Variants in LAMB4 observed in about 807,000 individuals in gnomAD.
LAMB4 encodes the protein laminin subunit beta-4.
Under a neutral mutation model 199.2 loss-of-function variants are expected in LAMB4, and 196 were observed. The ratio of observed to expected loss-of-function variants is 0.98; its 90% confidence interval spans 0.88 to 1.11. The LOEUF is 1.11. Among genes scored for constraint, LAMB4 ranks in the 50% least tolerant of loss-of-function variants. LAMB4 has a pLI of 0.00. For missense variants in LAMB4, 2,080 were observed against 2,171.2 expected, an observed-to-expected ratio of 0.96 and a Z score of 0.83; for synonymous variants, 744 against 770.6, an observed-to-expected ratio of 0.97 and a Z score of 0.57.
downstream of LAMB4, among the ~76,000 whole-genome samples, chr7:108,019,755 G>T (rs1044327233): frequency 6.6e-6 from 1 of 152,170 alleles, no homozygotes; most frequent in East Asian, 1.9e-4. Context: ...ATGGATGTCA[G>T]ACAGCAATTT....
intron 16 of LAMB4, 67 bp from the exon 17 acceptor site, chr7:108,077,131 T>G: frequency 1.9e-3 from 2,442 of 1,304,156 alleles, no homozygotes; most frequent in Non-Finnish European, 2.4e-3. Context: ...TAAATGGCCA[T>G]AGTATTTGGT....
Position 108,030,793 on chromosome 7 carries a change from T to C in LAMB4, c.4992+13A>G. ...GCTTTTCTGCTCTTGGTGGCAGTGG[T>C]AGAACTAATGACCTTCTCAAGACTC... On this transcript the variant is annotated intron_variant, in intron 32 of 33. Transcript: ENST00000388781. 2 of 1,612,288 alleles carry C rather than the reference T, an allele frequency of 1.2e-6. No individual in the cohort carries two copies. The highest frequency in any genetic ancestry group is 1.7e-6 in the Non-Finnish European group (2 of 1,178,824).
intron 14 of LAMB4, among the ~76,000 whole-genome samples, chr7:108,085,759 G>A (rs1274959587): frequency 6.6e-6 from 1 of 151,880 alleles, no homozygotes; most frequent in South Asian, 2.1e-4. Flanking sequence ...GACTACAGGC[G>A]CCCACCACCA....
chr7:108,102,831 T>A (rs2037860826), intron 10 of LAMB4, among the ~76,000 whole-genome samples: 1 of 152,174 alleles, frequency 6.6e-6, no homozygotes, highest in Non-Finnish European at 1.5e-5. Flanking sequence ...CCTGCATAAT[T>A]TCCCAACTAC....
intron 11 of LAMB4, 48 bp from the exon 12 acceptor site, chr7:108,095,385 C>T: frequency 7.4e-7 from 1 of 1,356,534 alleles, no homozygotes; most frequent in Non-Finnish European, 1.1e-6. Flanking sequence ...TTCCTCCACT[C>T]TTGCAAGTGT....
intron 33 of LAMB4, among the ~76,000 whole-genome samples, chr7:108,028,205 C>T (rs1292120999): frequency 2.0e-5 from 3 of 152,158 alleles, no homozygotes; most frequent in African/African-American, 7.2e-5. Flanking sequence ...ACCTAGTGCC[C>T]TAGATTATAT....
chr7:108,037,048 A>C lies in LAMB4; in HGVS notation c.4679+340T>G, dbSNP rs564183116. Among the ~76,000 whole-genome samples the C allele has an allele frequency of 8.7e-4, 132 of 152,198 alleles. 1 individual carries two copies. The highest frequency in any genetic ancestry group is 3.1e-3 in the African/African-American group (128 of 41,534). On this transcript the variant is annotated intron_variant, in intron 30 of 33. Coordinates refer to ENST00000388781, the MANE Select transcript of LAMB4 (RefSeq NM_007356.3). ...CTTAGAAAATACCAAACATAGATAA[A>C]TAAGGGAAAAACTATACCAATATTC...
intron 2 of LAMB4, among the ~76,000 whole-genome samples, chr7:108,118,959 C>A (rs1318298027): frequency 2.6e-5 from 4 of 152,090 alleles, no homozygotes; most frequent in Non-Finnish European, 5.9e-5. Context: ...AAAAGCCAAT[C>A]AAATGAGCAA....
chr7:108,095,236 C>A lies in LAMB4; in HGVS notation c.1462G>T (p.Glu488Ter). The stretch of plus-strand genomic sequence containing the variant: ...TATAGGCAAATACATACAGTGCATT[C>A]TTCGCAGTGTGCTCCGGTGACATAT... ...LSYVTGAHCE[E>*]CTVGYWGLGN... The change falls in exon 12 of 34, where the codon GAA (glutamate) becomes TAA (stop). Residue 488 changes from glutamate to a stop codon, truncating the protein, a stop_gained. Coordinates refer to ENST00000388781, the MANE Select transcript of LAMB4 (RefSeq NM_007356.3). LOFTEE classifies it high-confidence loss of function. 1.2e-6 allele frequency: 2 copies of A among 1,612,226 alleles called. No homozygotes were observed. The highest frequency in any genetic ancestry group is 1.7e-6 in the Non-Finnish European group (2 of 1,178,354).
intron 31 of LAMB4, among the ~76,000 whole-genome samples, chr7:108,033,446 T>C (rs1219919758): frequency 6.6e-6 from 1 of 152,332 alleles, no homozygotes; most frequent in Non-Finnish European, 1.5e-5. Flanking sequence ...AGTCTCGCTC[T>C]GTTGCCTAGA....
intron 30 of LAMB4, 86 bp from the exon 31 acceptor site, chr7:108,034,432 A>G: frequency 1.9e-6 from 2 of 1,028,240 alleles, no homozygotes; most frequent in Non-Finnish European, 1.5e-6. Context: ...TGACTCAACC[A>G]AATACTTTAC....
At chr7:108,046,824 T>C (rs1433636041) in intron 28 of LAMB4, among the ~76,000 whole-genome samples, 1 of 152,016 alleles carries the variant, frequency 6.6e-6, no homozygotes, top group Admixed American at 6.6e-5. Flanking sequence ...TTTTCAAATA[T>C]ACCCTTACAT....
chr7:108,063,140 A>G (rs1244615384), intron 22 of LAMB4, 146 bp from the exon 23 acceptor site: 5 of 506,820 alleles, frequency 9.9e-6, no homozygotes. Flanking sequence ...AGAATTTACC[A>G]AAGAATCTAT....
intron 25 of LAMB4, among the ~76,000 whole-genome samples, chr7:108,053,019 T>G (rs1186885649): frequency 2.2e-4 from 34 of 152,210 alleles, no homozygotes; most frequent in Non-Finnish European, 2.8e-4. Flanking sequence ...TTTGTAACTC[T>G]CCCCTCTAAT....
At chr7:108,035,374 C>G (rs894478146) in intron 30 of LAMB4, among the ~76,000 whole-genome samples, 1 of 151,916 alleles carries the variant, frequency 6.6e-6, no homozygotes, top group East Asian at 1.9e-4. Flanking sequence ...AACCCCATCT[C>G]TACTAAAAAT....
chr7:108,105,838 A>T lies in LAMB4; in HGVS notation c.849T>A (p.Asp283Glu). 1 of 1,614,204 alleles carries T rather than the reference A, an allele frequency of 6.2e-7. No individual in the cohort carries two copies. Among genetic ancestry groups the T allele is most frequent in the Non-Finnish European group, 8.5e-7 (1 of 1,180,028 alleles). Reference protein sequence around the residue: ...ECRPMQKMRGDVFSPPGMVHG... With the variant: ...ECRPMQKMRGEVFSPPGMVHG... ...TCACCATTCCAGGAGGGCTGAAAAC[A>T]TCTCCCCGCATCTTCTGCATAGGGC... The change falls in exon 8 of 34, where the codon GAT (aspartate) becomes GAA (glutamate). Residue 283 changes from aspartate (D) to glutamate (E), a missense_variant. Coordinates refer to ENST00000388781, the MANE Select transcript of LAMB4 (RefSeq NM_007356.3).
At chr7:108,050,638 T>C (rs993228860) in intron 26 of LAMB4, among the ~76,000 whole-genome samples, 3 of 152,190 alleles carry the variant, frequency 2.0e-5, no homozygotes, top group Non-Finnish European at 4.4e-5. Flanking sequence ...TATAGAACCA[T>C]AATCCAGGCA....
downstream of LAMB4, among the ~76,000 whole-genome samples, chr7:108,021,117 AT>A (rs2034683822): frequency 6.6e-6 from 1 of 152,162 alleles, no homozygotes; most frequent in Non-Finnish European, 1.5e-5. Context: ...GTGTATTTAT[AT>A]TTTTAATTAT....
At chr7:108,104,885 G>A (rs1321176842) in intron 8 of LAMB4, among the ~76,000 whole-genome samples, 1 of 151,804 alleles carries the variant, frequency 6.6e-6, no homozygotes, top group Non-Finnish European at 1.5e-5. Context: ...GCAGCACATT[G>A]CAGCCCTCAA....
Sources: gnomAD v4.1 joint callset for allele counts (sites outside exome capture counted in the v4.1 genomes callset) on GRCh38, gnomAD v4.1.1 for gene constraint, MANE v1.5 for transcripts, NCBI Gene and HGNC (gene_info 2026-07-23, HGNC 2026-07-21) for gene names.